TMEM74: variants seen among roughly 807,000 people sequenced by gnomAD.
TMEM74 encodes the protein transmembrane protein 74.
TMEM74 carries 13 observed loss-of-function variants against 18.1 expected under a neutral mutation model. The ratio of observed to expected loss-of-function variants is 0.72; its 90% confidence interval spans 0.47 to 1.14. The LOEUF is 1.14. TMEM74 is among the 50% of genes most tolerant of loss of function. TMEM74 has a pLI of 0.00. For synonymous variants in TMEM74, 159 were observed against 146.6 expected (o/e 1.08, Z -0.61); for missense variants, 372 against 375.9 (o/e 0.99, Z 0.09).
At chr8:108,610,202 A>G (rs1812321175) in intron 2 of TMEM74, among the ~76,000 whole-genome samples, 1 of 152,222 alleles carries the variant, frequency 6.6e-6, no homozygotes, top group South Asian at 2.1e-4. Flanking sequence ...AGCAGGTAAA[A>G]GAGAAAACTT....
intron 1 of TMEM74, among the ~76,000 whole-genome samples, chr8:108,693,536 G>T (rs905536142): frequency 6.6e-6 from 1 of 152,190 alleles, no homozygotes; most frequent in Non-Finnish European, 1.5e-5. Context: ...GACTGGAAAC[G>T]TCAGCTAATA....
chr8:108,644,445 A>G (rs1054523965), intron 2 of TMEM74, among the ~76,000 whole-genome samples: 1 of 152,186 alleles, frequency 6.6e-6, no homozygotes, highest in African/African-American at 2.4e-5. Context: ...GTCTTGGCAC[A>G]GAACTGATGG....
At chr8:108,705,630 A>T (rs567015892) in intron 1 of TMEM74, among the ~76,000 whole-genome samples, 6 of 152,244 alleles carry the variant, frequency 3.9e-5, no homozygotes, top group South Asian at 4.1e-4. Flanking sequence ...CCTCAAGCAG[A>T]TGTAGATGCC....
At chr8:108,758,794 T>C (rs1308971101) in intron 1 of TMEM74, among the ~76,000 whole-genome samples, 2 of 152,034 alleles carry the variant, frequency 1.3e-5, no homozygotes, top group Non-Finnish European at 2.9e-5. Flanking sequence ...TTCCCATCAA[T>C]GGGATGTTAG....
chr8:108,741,013 CA>C (rs1338127117), intron 1 of TMEM74, among the ~76,000 whole-genome samples: 2 of 152,096 alleles, frequency 1.3e-5, no homozygotes, highest in Non-Finnish European at 2.9e-5. Flanking sequence ...CAGTGAAAGT[CA>C]ATGAATTACA....
At chr8:108,769,789 G>T (rs1814151106) in intron 1 of TMEM74, among the ~76,000 whole-genome samples, 11 of 151,870 alleles carry the variant, frequency 7.2e-5, no homozygotes, top group Admixed American at 7.2e-4. Flanking sequence ...TCTAAAACAG[G>T]TGCACAATGA....
intron 1 of TMEM74, among the ~76,000 whole-genome samples, chr8:108,673,384 A>G (rs1813022454): frequency 6.6e-6 from 1 of 152,212 alleles, no homozygotes. Flanking sequence ...CAGGGCCTAC[A>G]GTGAGAAGCT....
intron 1 of TMEM74, among the ~76,000 whole-genome samples, chr8:108,683,887 A>G (rs1268664978): frequency 6.6e-6 from 1 of 152,144 alleles, no homozygotes; most frequent in East Asian, 1.9e-4. Context: ...TTCACTTAAC[A>G]TGATGTATCT....
chr8:108,630,691 A>G (rs1260233094), intron 2 of TMEM74, among the ~76,000 whole-genome samples: 1 of 152,110 alleles, frequency 6.6e-6, no homozygotes, highest in Non-Finnish European at 1.5e-5. Context: ...GGAGGACTAC[A>G]TGGAAATAGT....
chr8:108,765,407 C>CTTTT (rs61334796), intron 1 of TMEM74, among the ~76,000 whole-genome samples: 11 of 120,714 alleles, frequency 9.1e-5, no homozygotes, highest in South Asian at 5.3e-4. Context: ...TTTGGAACTA[C>CTTTT]TTTTTTTTTT....
intron 1 of TMEM74, among the ~76,000 whole-genome samples, chr8:108,684,871 T>C (rs1256836570): frequency 1.3e-5 from 2 of 152,038 alleles, no homozygotes; most frequent in East Asian, 3.9e-4. Context: ...AGGTGTGGAA[T>C]ACCTCCAGCT....
intron 1 of TMEM74, among the ~76,000 whole-genome samples, chr8:108,733,160 C>A (rs1429366747): frequency 1.3e-5 from 2 of 151,982 alleles, no homozygotes; most frequent in African/African-American, 4.8e-5. Context: ...AAGTATTTAC[C>A]TAAGAGAATT....
At chr8:108,715,842 C>G (rs188653843) in intron 1 of TMEM74, among the ~76,000 whole-genome samples, 1 of 151,954 alleles carries the variant, frequency 6.6e-6, no homozygotes, top group Non-Finnish European at 1.5e-5. Context: ...TAAAAATAAA[C>G]AGGTTTGCAA....
intron 1 of TMEM74, among the ~76,000 whole-genome samples, chr8:108,732,738 G>A (rs765863370): frequency 5.1e-4 from 77 of 150,158 alleles, no homozygotes; most frequent in Non-Finnish European, 9.7e-4. Flanking sequence ...TTGATCATGG[G>A]CCTATAAGGA....
intron 1 of TMEM74, among the ~76,000 whole-genome samples, chr8:108,719,211 A>C (rs1228733725): frequency 6.6e-6 from 1 of 152,128 alleles, no homozygotes; most frequent in Non-Finnish European, 1.5e-5. Context: ...GGAGACGCAT[A>C]AACACACAAA....
intron 2 of TMEM74, among the ~76,000 whole-genome samples, chr8:108,619,099 A>T (rs993089161): frequency 6.6e-6 from 1 of 152,204 alleles, no homozygotes; most frequent in African/African-American, 2.4e-5. Context: ...CATAAATATC[A>T]TCAAGCCTAT....
At chr8:108,640,267 G>T (rs909541567) in intron 2 of TMEM74, among the ~76,000 whole-genome samples, 2 of 150,884 alleles carry the variant, frequency 1.3e-5, no homozygotes, top group Non-Finnish European at 3.0e-5. Context: ...TGAGTAGCTG[G>T]GATTACAGGC....
In TMEM74 at chr8:108,657,858, AAATATATATATATATATATATATAT is replaced by A. The variant is rs1216688739; in HGVS notation, n.120-2446_120-2422del. 1.8e-4 allele frequency among the ~76,000 whole-genome samples: 13 copies of A among 71,056 alleles called. 1 individual carries two copies. Among genetic ancestry groups the A allele is most frequent in the Admixed American group, 8.8e-4 (5 of 5,696 alleles). 46.6% of individuals were successfully genotyped at this position (71,056 alleles called of 152,430 possible). On this transcript the variant is annotated intron_variant and non_coding_transcript_variant, in intron 1 of 3. Coordinates refer to the TMEM74 transcript ENST00000518838. ...ACACCGTCTCAAAAAAAAAAAAAAA[AAATATATATATATATATATATATAT>A]ATATATATATATATATATATTAATT... is the stretch of plus-strand genomic sequence containing the variant.
intron 1 of TMEM74, among the ~76,000 whole-genome samples, chr8:108,733,897 T>A (rs573120295): frequency 3.9e-5 from 6 of 152,328 alleles, no homozygotes; most frequent in African/African-American, 1.4e-4. Context: ...TTCCACAACA[T>A]CAAGCATCAT....
Sources: gnomAD v4.1 joint callset for allele counts (sites outside exome capture counted in the v4.1 genomes callset) on GRCh38, gnomAD v4.1.1 for gene constraint, MANE v1.5 for transcripts, NCBI Gene and HGNC (gene_info 2026-07-23, HGNC 2026-07-21) for gene names.